RGPD2: variants seen among roughly 807,000 people sequenced by gnomAD.
RGPD2 encodes RANBP2-like and GRIP domain-containing protein 2.
In RGPD2, 2 loss-of-function variants were observed where a neutral mutation model predicts 36.0. The ratio of observed to expected loss-of-function variants is 0.06; its 90% confidence interval spans 0.02 to 0.17. The LOEUF is 0.17. RGPD2 is among the 10% of genes least tolerant of loss of function. The pLI is 1.00. For synonymous variants in RGPD2, 19 were observed against 163.8 expected, an observed-to-expected ratio of 0.12 and a Z score of 6.75; for missense variants, 40 against 464.3, an observed-to-expected ratio of 0.09 and a Z score of 8.40.
chr2:87,769,192 T>C (rs1685038582), intron 22 of RGPD2, among the ~76,000 whole-genome samples: 1 of 119,852 alleles, frequency 8.3e-6, no homozygotes, highest in Non-Finnish European at 1.8e-5. Flanking sequence ...GGTCTCGAAC[T>C]CCTGACCTCA....
At chr2:87,785,385 T>C (rs1685562202) in intron 18 of RGPD2, among the ~76,000 whole-genome samples, 1 of 104,884 alleles carries the variant, frequency 9.5e-6, no homozygotes, top group Non-Finnish European at 2.0e-5. Flanking sequence ...AATAAGAGAA[T>C]AGCATCGCTG....
At chr2:87,852,416 C>G in the RGPD2 span, among the ~76,000 whole-genome samples, 1 of 150,958 alleles carries the variant, frequency 6.6e-6, no homozygotes, top group African/African-American at 2.4e-5. Context: ...ACAGAGGAGC[C>G]TCTGCTTCTG....
chr2:87,877,492 T>C, the RGPD2 span, among the ~76,000 whole-genome samples: 1 of 152,068 alleles, frequency 6.6e-6, no homozygotes, highest in Non-Finnish European at 1.5e-5. Context: ...AAATTCTGGG[T>C]TGAAAATTCT....
At chr2:87,887,637 T>TATGG in the RGPD2 span, among the ~76,000 whole-genome samples, 1 of 129,154 alleles carries the variant, frequency 7.7e-6, no homozygotes, top group Non-Finnish European at 1.6e-5. Flanking sequence ...ATGACACTTA[T>TATGG]ATGGATTCGA....
chr2:87,984,363 G>A, the RGPD2 span, among the ~76,000 whole-genome samples: 24,000 of 151,558 alleles, frequency 0.16, 1,311 homozygotes, highest in East Asian at 0.24. Flanking sequence ...TCGTGAAAAA[G>A]GATGTTTATA....
chr2:87,925,805 GTTC>G, the RGPD2 span, among the ~76,000 whole-genome samples: 1 of 151,016 alleles, frequency 6.6e-6, no homozygotes, highest in African/African-American at 2.4e-5. Flanking sequence ...GCATAAATGT[GTTC>G]TTCTGAGAAG....
chr2:87,857,890 C>G, the RGPD2 span, among the ~76,000 whole-genome samples: 76 of 151,766 alleles, frequency 5.0e-4, no homozygotes, highest in East Asian at 0.012. Flanking sequence ...GAGTCTTGTA[C>G]TTTTCTGAGT....
At chr2:87,832,778 A>G in the RGPD2 span, among the ~76,000 whole-genome samples, 1 of 151,004 alleles carries the variant, frequency 6.6e-6, no homozygotes, top group Non-Finnish European at 1.5e-5. Context: ...CAACATAGCG[A>G]GAACCTTTCT....
At chr2:87,974,761 C>T in the RGPD2 span, among the ~76,000 whole-genome samples, 3 of 152,258 alleles carry the variant, frequency 2.0e-5, no homozygotes, top group African/African-American at 7.2e-5. Context: ...TCATTGTCCA[C>T]ATCCAGCCAC....
chr2:87,825,918 C>A (rs1165111733), upstream of RGPD2: 2 of 673,386 alleles, frequency 3.0e-6, no homozygotes, highest in African/African-American at 1.9e-5. Context: ...CTCGGCCGGG[C>A]TCTTGGCAGC....
the RGPD2 span, among the ~76,000 whole-genome samples, chr2:87,933,917 A>G: frequency 9.1e-6 from 1 of 109,536 alleles, no homozygotes; most frequent in Admixed American, 8.8e-5. Flanking sequence ...TCTGAATTCT[A>G]CTTCTGTCAT....
At chr2:87,985,338 T>C in the RGPD2 span, among the ~76,000 whole-genome samples, 1 of 150,610 alleles carries the variant, frequency 6.6e-6, no homozygotes, top group Non-Finnish European at 1.5e-5. Flanking sequence ...CAGAAAACAA[T>C]GTTAAACAAG....
At chr2:87,839,790 G>A in the RGPD2 span, among the ~76,000 whole-genome samples, 3 of 151,938 alleles carry the variant, frequency 2.0e-5, no homozygotes, top group South Asian at 4.1e-4. Flanking sequence ...GGTATGAGGA[G>A]GGTGAGGATT....
the RGPD2 span, among the ~76,000 whole-genome samples, chr2:87,942,318 AC>A: frequency 7.3e-6 from 1 of 136,308 alleles, no homozygotes; most frequent in African/African-American, 3.2e-5. Context: ...CACACAAAGT[AC>A]TTCTACTTTA....
chr2:87,879,135 G>C, the RGPD2 span, among the ~76,000 whole-genome samples: 1 of 151,938 alleles, frequency 6.6e-6, no homozygotes, highest in Non-Finnish European at 1.5e-5. Context: ...TTCTATTTTC[G>C]TTCTTTTTAA....
chr2:87,929,117 C>T, the RGPD2 span, among the ~76,000 whole-genome samples: 2 of 151,916 alleles, frequency 1.3e-5, no homozygotes, highest in African/African-American at 4.8e-5. Flanking sequence ...CTCATGAAAT[C>T]TTTGCCCATG....
the RGPD2 span, among the ~76,000 whole-genome samples, chr2:87,846,223 A>G: frequency 1.3e-5 from 2 of 151,916 alleles, no homozygotes; most frequent in African/African-American, 2.4e-5. Flanking sequence ...TTTAAGGAGT[A>G]CAATTCAATG....
intron 6 of RGPD2, among the ~76,000 whole-genome samples, chr2:87,807,392 T>C (rs1256050060): frequency 7.6e-6 from 1 of 130,784 alleles, no homozygotes; most frequent in Non-Finnish European, 1.6e-5. Context: ...TTTTTTTTTT[T>C]TTTTTTTTTT....
At chr2:87,824,770 C>A (rs540469874) in intron 1 of RGPD2, among the ~76,000 whole-genome samples, 2 of 89,752 alleles carry the variant, frequency 2.2e-5, no homozygotes, top group Admixed American at 2.6e-4. Flanking sequence ...CGCCGCCGCC[C>A]GGCCAGGCCG....
Sources: gnomAD v4.1 joint callset for allele counts (sites outside exome capture counted in the v4.1 genomes callset) on GRCh38, gnomAD v4.1.1 for gene constraint, MANE v1.5 for transcripts, NCBI Gene and HGNC (gene_info 2026-07-23, HGNC 2026-07-21) for gene names.